Variants in CDH13 observed in about 807,000 individuals in gnomAD.
CDH13 encodes the protein cadherin-13.
Under a neutral mutation model 63.8 loss-of-function variants are expected in CDH13, and 24 were observed. The ratio of observed to expected loss-of-function variants is 0.38; its 90% confidence interval spans 0.27 to 0.53. The LOEUF (loss-of-function observed/expected upper bound fraction) is 0.53. Ranked by LOEUF, CDH13 falls within the 20% of genes least tolerant of loss-of-function variation. The pLI, the probability that CDH13 is intolerant of heterozygous loss-of-function variation, is 0.85. For missense variants in CDH13, 1,049 were observed against 903.1 expected (o/e 1.16, Z -2.07); for synonymous variants, 503 against 355.3 (o/e 1.42, Z -4.67).
At chr16:83,490,206 C>G (rs532110820) in intron 7 of CDH13, among the ~76,000 whole-genome samples, 22 of 152,266 alleles carry the variant, frequency 1.4e-4, no homozygotes, top group Non-Finnish European at 2.9e-4. Context: ...TAGTCAATTT[C>G]CTTTCTTAAG....
chr16:83,485,814 G>T (rs937462739), intron 6 of CDH13, among the ~76,000 whole-genome samples: 6 of 152,034 alleles, frequency 3.9e-5, no homozygotes, highest in African/African-American at 1.4e-4. Flanking sequence ...TCCCCAACAC[G>T]CAGCCCAGGC....
intron 1 of CDH13, among the ~76,000 whole-genome samples, chr16:82,677,736 A>C (rs1300579554): frequency 6.6e-6 from 1 of 152,102 alleles, no homozygotes; most frequent in Non-Finnish European, 1.5e-5. Context: ...CTCTCATCTC[A>C]CTATACTAAC....
At chr16:83,731,081 T>C (rs140691528) in intron 10 of CDH13, among the ~76,000 whole-genome samples, 2 of 152,254 alleles carry the variant, frequency 1.3e-5, no homozygotes, top group East Asian at 3.8e-4. Context: ...GCACCTGGAT[T>C]GGTTCCTTGT....
intron 7 of CDH13, among the ~76,000 whole-genome samples, chr16:83,550,517 C>T (rs895223615): frequency 6.6e-6 from 1 of 152,186 alleles, no homozygotes; most frequent in East Asian, 1.9e-4. Context: ...GCAGTTAATC[C>T]GATGGCAAAT....
intron 3 of CDH13, among the ~76,000 whole-genome samples, chr16:83,072,389 A>G (rs572710257): frequency 1.6e-4 from 25 of 152,298 alleles, no homozygotes; most frequent in African/African-American, 4.8e-4. Flanking sequence ...GTACATTACA[A>G]TATGATCCTG....
intron 10 of CDH13, among the ~76,000 whole-genome samples, chr16:83,688,973 T>G (rs1428766689): frequency 2.6e-5 from 4 of 152,218 alleles, no homozygotes; most frequent in Non-Finnish European, 2.9e-5. Flanking sequence ...CTGAAGATTT[T>G]CATTATTCAT....
At chr16:83,394,194 C>T (rs1029097059) in intron 6 of CDH13, among the ~76,000 whole-genome samples, 17 of 151,384 alleles carry the variant, frequency 1.1e-4, no homozygotes, top group African/African-American at 4.1e-4. Context: ...ACCCCCATGA[C>T]ACAAGTTTAC....
chr16:83,658,644 A>G (rs112318636), intron 8 of CDH13, among the ~76,000 whole-genome samples: 4 of 146,574 alleles, frequency 2.7e-5, no homozygotes, highest in Non-Finnish European at 3.0e-5. Context: ...TCATGTCCTC[A>G]CCACCAGGTC....
At chr16:82,966,900 C>G (rs939712237) in intron 2 of CDH13, among the ~76,000 whole-genome samples, 5 of 152,112 alleles carry the variant, frequency 3.3e-5, no homozygotes, top group African/African-American at 1.2e-4. Flanking sequence ...TAAAAATTAT[C>G]TAATCAACAC....
At chr16:83,509,526 A>G (rs979496019) in intron 7 of CDH13, among the ~76,000 whole-genome samples, 1 of 152,224 alleles carries the variant, frequency 6.6e-6, no homozygotes, top group Non-Finnish European at 1.5e-5. Context: ...TTTATTTACA[A>G]AAGCAGATGG....
intron 6 of CDH13, among the ~76,000 whole-genome samples, chr16:83,475,359 C>T (rs1020818623): frequency 6.6e-6 from 1 of 152,210 alleles, no homozygotes; most frequent in Non-Finnish European, 1.5e-5. Flanking sequence ...GCCGCTCCTG[C>T]AGCAGTCAGG....
chr16:83,606,800 T>C (rs1252962852), intron 8 of CDH13, among the ~76,000 whole-genome samples: 4 of 148,452 alleles, frequency 2.7e-5, no homozygotes, highest in Admixed American at 2.0e-4. Flanking sequence ...ATTTCCCAGG[T>C]TCCCCTTAGC....
intron 7 of CDH13, among the ~76,000 whole-genome samples, chr16:83,535,630 G>A (rs1033495170): frequency 6.6e-5 from 10 of 152,186 alleles, no homozygotes; most frequent in African/African-American, 9.6e-5. Flanking sequence ...ATGGTGCTGG[G>A]AATGAAATGC....
chr16:82,829,998 TCTTC>T (rs1489604512), intron 1 of CDH13, among the ~76,000 whole-genome samples: 1 of 152,236 alleles, frequency 6.6e-6, no homozygotes, highest in Non-Finnish European at 1.5e-5. Context: ...TGCTGAACTT[TCTTC>T]CTTTGCCAAG....
chr16:82,657,452 C>T (rs538090116), intron 1 of CDH13, among the ~76,000 whole-genome samples: 60 of 152,210 alleles, frequency 3.9e-4, no homozygotes, highest in Admixed American at 2.6e-3. Context: ...TTCACATTCC[C>T]GGCAGGATGG....
intron 10 of CDH13, among the ~76,000 whole-genome samples, chr16:83,698,240 T>A (rs1431956831): frequency 6.6e-6 from 1 of 152,254 alleles, no homozygotes; most frequent in Non-Finnish European, 1.5e-5. Context: ...TTGCAAAGGA[T>A]AACAAAGGAT....
At chr16:83,355,559 G>GT in intron 6 of CDH13, among the ~76,000 whole-genome samples, 1 of 152,082 alleles carries the variant, frequency 6.6e-6, no homozygotes, top group Non-Finnish European at 1.5e-5. Flanking sequence ...CCGATAAACT[G>GT]TTTTTTAATT....
chr16:83,713,463 C>T (rs1010095407), intron 10 of CDH13, among the ~76,000 whole-genome samples: 3 of 151,102 alleles, frequency 2.0e-5, no homozygotes, highest in South Asian at 2.1e-4. Context: ...GGGGAAAACA[C>T]GAACCAAGTA....
intron 6 of CDH13, among the ~76,000 whole-genome samples, chr16:83,417,455 C>T (rs553327820): frequency 1.1e-4 from 17 of 152,284 alleles, no homozygotes; most frequent in African/African-American, 3.8e-4. Flanking sequence ...CTTAACCTGT[C>T]GTGACACCAC....
Sources: gnomAD v4.1 joint callset for allele counts (sites outside exome capture counted in the v4.1 genomes callset) on GRCh38, gnomAD v4.1.1 for gene constraint, MANE v1.5 for transcripts, NCBI Gene and HGNC (gene_info 2026-07-23, HGNC 2026-07-21) for gene names.